The following SLC6A5 variants were observed in gnomAD, a reference collection of about 807,000 sequenced individuals.
SLC6A5 encodes the protein solute carrier family 6 member 5.
A neutral mutation model predicts 90.5 loss-of-function variants in SLC6A5; 58 were observed. The ratio of observed to expected loss-of-function variants is 0.64; its 90% confidence interval spans 0.52 to 0.80. The LOEUF is 0.80. Among genes scored for constraint, SLC6A5 ranks in the 30% least tolerant of loss-of-function variants. The pLI is 0.00. For missense variants in SLC6A5, 1,015 were observed against 1,017.6 expected, an observed-to-expected ratio of 1.00 and a Z score of 0.03; for synonymous variants, 427 against 401.4, an observed-to-expected ratio of 1.06 and a Z score of -0.76.
At chr11:20,616,822 G>A (rs1056224928) in intron 6 of SLC6A5, among the ~76,000 whole-genome samples, 1 of 152,186 alleles carries the variant, frequency 6.6e-6, no homozygotes, top group Non-Finnish European at 1.5e-5. Context: ...GACCAGGAGT[G>A]GGGCTGCTGC....
chr11:20,621,206 GA>G lies in SLC6A5; in HGVS notation c.1260+3328del, dbSNP rs1410318061. Among the ~76,000 whole-genome samples the G allele has an allele frequency of 2.6e-5, 4 of 152,210 alleles. No homozygotes were observed. In the South Asian group the frequency reaches 6.2e-4, roughly 24 times the overall value. Reference sequence around the variant, plus strand: ...GAGTCATCATTTTCATATAGTGGGGGAAAAAATCCCCCCACAGTAAATCAGA... The same window carrying G: ...GAGTCATCATTTTCATATAGTGGGGGAAAAATCCCCCCACAGTAAATCAGA... On this transcript the variant is annotated intron_variant, in intron 7 of 15. Transcript: ENST00000525748.
chr11:20,626,821 G>C lies in SLC6A5; in HGVS notation c.1374G>C (p.Trp458Cys), dbSNP rs912922347. 1 of 1,613,906 alleles carries C rather than the reference G, an allele frequency of 6.2e-7. No individual in the cohort carries two copies. Among genetic ancestry groups the C allele is most frequent in the African/African-American group, 1.3e-5 (1 of 74,908 alleles). ...TCTGGTACTTCATCACACCCAAGTG[G>C]GAGAAACTCACGGATGCCACGGTGG... ...AGIWYFITPK[W>C]EKLTDATVWK... The change falls in exon 8 of 16, where the codon TGG becomes TGC. Residue 458 changes from tryptophan to cysteine, a missense_variant. By Grantham distance (215) the Trp-to-Cys change is radical (BLOSUM62 -2). Around this residue, in one of 3 missense-constraint regions of SLC6A5, gnomAD observed 442 missense variants for 494.3 expected, o/e 0.89. Coordinates refer to ENST00000525748, the MANE Select transcript of SLC6A5 (RefSeq NM_004211.5).
chr11:20,639,428 G>A (rs1237453366), intron 13 of SLC6A5, among the ~76,000 whole-genome samples: 1 of 152,124 alleles, frequency 6.6e-6, no homozygotes, highest in Admixed American at 6.6e-5. Context: ...AAAAGAGACA[G>A]CAACATATTC....
intron 14 of SLC6A5, among the ~76,000 whole-genome samples, chr11:20,648,182 A>T (rs1372653876): frequency 2.0e-5 from 3 of 152,178 alleles, no homozygotes; most frequent in Non-Finnish European, 4.4e-5. Flanking sequence ...TGGCACTAGA[A>T]ACCAGATTAA....
In SLC6A5 at chr11:20,639,246, C is replaced by T. The variant is rs759081751; in HGVS notation, c.1969+688C>T. Among the ~76,000 whole-genome samples the T allele has an allele frequency of 5.9e-5, 9 of 152,068 alleles. No individual in the cohort carries two copies. In the East Asian group the frequency reaches 7.7e-4, roughly 13 times the overall value. ...TCTCCTGGTCCCTTGTATGCACTGT[C>T]GGTGAGTTCAAGAAAGTCCTATTTG... On this transcript the variant is annotated intron_variant, in intron 13 of 15. Coordinates refer to ENST00000525748, the MANE Select transcript of SLC6A5 (RefSeq NM_004211.5).
At chr11:20,627,300 G>C (rs10766706) in intron 8 of SLC6A5, among the ~76,000 whole-genome samples, 3 of 152,122 alleles carry the variant, frequency 2.0e-5, no homozygotes, top group Admixed American at 2.0e-4. Flanking sequence ...GCTGAACTTT[G>C]TCTTTGCATA....
At chr11:20,622,158 C>T (rs1392536750) in intron 7 of SLC6A5, among the ~76,000 whole-genome samples, 13 of 152,312 alleles carry the variant, frequency 8.5e-5, no homozygotes, top group Admixed American at 3.9e-4. Context: ...GAAACAGGTG[C>T]ATTCTGAATC....
intron 5 of SLC6A5, among the ~76,000 whole-genome samples, chr11:20,610,549 T>A (rs1182613465): frequency 2.0e-5 from 3 of 152,230 alleles, no homozygotes; most frequent in Non-Finnish European, 4.4e-5. Flanking sequence ...ACGTAATGTT[T>A]GGCAGGAGGG....
At chr11:20,615,976 T>A (rs1025434151) in intron 6 of SLC6A5, among the ~76,000 whole-genome samples, 3 of 152,220 alleles carry the variant, frequency 2.0e-5, no homozygotes, top group Admixed American at 6.5e-5. Flanking sequence ...GGAAATAAAG[T>A]CTGGATTTTT....
At position 20,601,250 on chromosome 11, in the gene SLC6A5, C is replaced by A; in HGVS notation, c.125C>A (p.Ala42Glu). Residue 42 changes from alanine (A) to glutamate (E), a missense_variant, in exon 2 of 16, where the codon GCG (alanine) becomes GAG (glutamate). This residue lies in a region of SLC6A5 where 567 missense variants were observed against 507.3 expected (regional missense o/e 1.12). Coordinates refer to ENST00000525748, the MANE Select transcript of SLC6A5 (RefSeq NM_004211.5). ...PRTSPEQELP[A>E]AAAPPPPRVP... is the part of the protein sequence containing the mutation. The stretch of plus-strand genomic sequence containing the variant: ...ACGAGCCCGGAGCAGGAGCTTCCCG[C>A]GGCTGCCGCCCCGCCGCCGCCACGT... 6.3e-7 allele frequency: 1 copy of A among 1,583,206 alleles called. No homozygotes were observed.
intron 1 of SLC6A5, 117 bp downstream of exon 1, chr11:20,599,792 C>A: frequency 2.5e-6 from 3 of 1,186,252 alleles, no homozygotes; most frequent in Non-Finnish European, 3.8e-6. Context: ...GGAAAGGGGG[C>A]GACGAGGAGA....
At chr11:20,654,189 T>G (rs1405293007) in intron 15 of SLC6A5, among the ~76,000 whole-genome samples, 1 of 152,186 alleles carries the variant, frequency 6.6e-6, no homozygotes, top group East Asian at 1.9e-4. Context: ...CTTTGCTCAC[T>G]CTTGGCGATG....
At chr11:20,614,172 T>C (rs1852742831) in intron 5 of SLC6A5, among the ~76,000 whole-genome samples, 1 of 152,182 alleles carries the variant, frequency 6.6e-6, no homozygotes, top group African/African-American at 2.4e-5. Flanking sequence ...AAGCCTTCTG[T>C]AGCAGTACCC....
chr11:20,650,572 C>A (rs1853505167), intron 14 of SLC6A5, among the ~76,000 whole-genome samples: 2 of 151,584 alleles, frequency 1.3e-5, no homozygotes, highest in South Asian at 4.2e-4. Flanking sequence ...ACATAAAGGT[C>A]CCCTCAGCTA....
At chr11:20,637,992 C>T (rs972298497) in intron 12 of SLC6A5, among the ~76,000 whole-genome samples, 1 of 151,912 alleles carries the variant, frequency 6.6e-6, no homozygotes, top group African/African-American at 2.4e-5. Flanking sequence ...GTCTCTACAC[C>T]TTATTTACTG....
intron 5 of SLC6A5, among the ~76,000 whole-genome samples, chr11:20,613,273 C>T (rs971091036): frequency 2.0e-5 from 3 of 152,202 alleles, no homozygotes; most frequent in Non-Finnish European, 4.4e-5. Context: ...ATGTAAAGTA[C>T]TTAAAACAGT....
intron 2 of SLC6A5, among the ~76,000 whole-genome samples, chr11:20,602,746 G>A (rs1852503947): frequency 6.6e-6 from 1 of 152,202 alleles, no homozygotes; most frequent in Non-Finnish European, 1.5e-5. Flanking sequence ...CACATAGCAG[G>A]AGCTTGTGGT....
At chr11:20,649,357 C>T (rs1366057774) in intron 14 of SLC6A5, among the ~76,000 whole-genome samples, 1 of 152,138 alleles carries the variant, frequency 6.6e-6, no homozygotes, top group Admixed American at 6.5e-5. Flanking sequence ...CCTTCTTTGG[C>T]TGCCATCACA....
chr11:20,628,154 C>A, intron 9 of SLC6A5, 71 bp downstream of exon 9: 1 of 1,184,334 alleles, frequency 8.4e-7, no homozygotes, highest in Non-Finnish European at 1.3e-6. Context: ...AGTTATCAGA[C>A]ACCTGAGGCC....
Sources: gnomAD v4.1 joint callset for allele counts (sites outside exome capture counted in the v4.1 genomes callset) on GRCh38, gnomAD v4.1.1 for gene constraint, gnomAD v4.1.1 regional missense constraint, MANE v1.5 for transcripts, NCBI Gene and HGNC (gene_info 2026-07-23, HGNC 2026-07-21) for gene names.